MGAT4A: variants seen among roughly 807,000 people sequenced by gnomAD.
The protein encoded by MGAT4A is N-acetylglucosaminyltransferase IVa.
A neutral mutation model predicts 74.1 loss-of-function variants in MGAT4A; 33 were observed. That is an observed-to-expected ratio of 0.45 (90% CI 0.34 to 0.60). MGAT4A has a LOEUF of 0.60. Among genes scored for constraint, MGAT4A ranks in the 20% least tolerant of loss-of-function variants. The pLI, the probability that MGAT4A is intolerant of heterozygous loss-of-function variation, is 0.02. For synonymous variants in MGAT4A, 198 were observed against 210.4 expected (o/e 0.94, Z 0.51); for missense variants, 479 against 628.3 (o/e 0.76, Z 2.54).
intron 4 of MGAT4A, among the ~76,000 whole-genome samples, chr2:98,671,943 C>CAAA (rs59955000): frequency 0.011 from 325 of 28,616 alleles, 39 homozygotes; most frequent in Non-Finnish European, 0.016. Context: ...GTGGAAAAGG[C>CAAA]AAAAAAAAAA....
At chr2:98,643,805 C>T in intron 10 of MGAT4A, 118 bp downstream of exon 10, 2 of 1,028,050 alleles carry the variant, frequency 1.9e-6, no homozygotes, top group Non-Finnish European at 2.6e-6. Context: ...TTTATCAGCT[C>T]AGGAAAGAAG....
intron 2 of MGAT4A, among the ~76,000 whole-genome samples, chr2:98,700,195 C>T (rs948986616): frequency 1.3e-5 from 2 of 152,008 alleles, no homozygotes; most frequent in Non-Finnish European, 2.9e-5. Flanking sequence ...AAGACCTCTC[C>T]AAAGGACCAC....
chr2:98,636,464 AAGTCTACT>A, intron 13 of MGAT4A, 45 bp downstream of exon 13: 1 of 1,311,294 alleles, frequency 7.6e-7, no homozygotes, highest in Non-Finnish European at 1.1e-6. Context: ...GCTTCAAGCT[AAGTCTACT>A]AGTATTAGTT....
rs564578912 is a variant in MGAT4A, at chr2:98,663,522, C to T, written c.404-343G>A. The T allele has an allele frequency of 1.9e-5, 24 of 1,271,222 alleles. No individual in the cohort carries two copies. The South Asian group carries it at 2.9e-4, about 15-fold the overall frequency. The allele number at this position is 1,271,222 out of a possible 1,614,324, so 78.7% of individuals were successfully genotyped here. On this transcript the variant is annotated intron_variant, in intron 4 of 15. Transcript: ENST00000393487. The stretch of plus-strand genomic sequence containing the variant: ...TCTTAAAAACTAATGTCTTATCTCT[C>T]GACTTCAAGCATGTGACATGCCGAG...
chr2:98,644,679 G>A (rs1325871176), intron 9 of MGAT4A, among the ~76,000 whole-genome samples: 1 of 151,246 alleles, frequency 6.6e-6, no homozygotes, highest in Non-Finnish European at 1.5e-5. Flanking sequence ...CGTCCCCAAG[G>A]CTGGAATGCA....
intron 8 of MGAT4A, among the ~76,000 whole-genome samples, chr2:98,653,660 G>C (rs578237487): frequency 2.0e-5 from 3 of 152,094 alleles, no homozygotes; most frequent in Non-Finnish European, 4.4e-5. Flanking sequence ...TAATAACTAA[G>C]GGGATTAAAG....
chr2:98,622,385 T>TA lies in MGAT4A; in HGVS notation c.*3180dup, dbSNP rs1559151931. ...TAGTGTGTGTGATGGCAGAACCGGG[T>TA]AAAAAAATGTTTTTATTTAAACAGC... On this transcript the variant is annotated 3_prime_UTR_variant, in exon 16 of 16. Transcript: ENST00000393487. 2.0e-6 allele frequency: 2 copies of TA among 985,374 alleles called. No homozygotes were observed. Among genetic ancestry groups the TA allele is most frequent in the Non-Finnish European group, 2.4e-6 (2 of 829,926 alleles). 61.0% of individuals were successfully genotyped at this position (985,374 alleles called of 1,614,324 possible).
intron 4 of MGAT4A, among the ~76,000 whole-genome samples, chr2:98,669,746 G>T (rs1701887490): frequency 6.6e-6 from 1 of 152,172 alleles, no homozygotes; most frequent in African/African-American, 2.4e-5. Flanking sequence ...CTGAGCCCAT[G>T]GTGGGGGCTG....
intron 4 of MGAT4A, 143 bp downstream of exon 4, chr2:98,674,892 T>C (rs922571675): frequency 1.4e-6 from 1 of 732,066 alleles, no homozygotes; most frequent in African/African-American, 1.9e-5. Flanking sequence ...CCTTTCAACA[T>C]GGAGTTTAGA....
Position 98,644,047 on chromosome 2 carries a change from A to G in MGAT4A, c.896T>C (p.Met299Thr), listed in dbSNP as rs1264123178. ...CAGAGTAAGATCCGGCGCTTGAAAC[A>G]TTTTACCTGAAAAGATATTCCCAGT... ...EFSQLGFIGK[M>T]FQAPDLTLIV... Residue 299 changes from methionine to threonine, a missense_variant, in exon 10 of 16, where the codon ATG becomes ACG. Met to Thr is a moderately conservative substitution (Grantham distance 81). Coordinates refer to ENST00000393487, the MANE Select transcript of MGAT4A (RefSeq NM_012214.3). 3 of 1,578,758 alleles carry G rather than the reference A, an allele frequency of 1.9e-6. No homozygotes were observed. The highest frequency in any genetic ancestry group is 2.6e-6 in the Non-Finnish European group (3 of 1,158,468).
chr2:98,679,197 G>T (rs960914606), intron 2 of MGAT4A, among the ~76,000 whole-genome samples: 4 of 152,020 alleles, frequency 2.6e-5, no homozygotes, highest in African/African-American at 9.7e-5. Context: ...ACGAGGTCAG[G>T]AGATCGAGAC....
intron 2 of MGAT4A, among the ~76,000 whole-genome samples, chr2:98,679,501 G>A (rs1358010186): frequency 6.6e-6 from 1 of 151,396 alleles, no homozygotes; most frequent in African/African-American, 2.4e-5. Flanking sequence ...GCATGGTGGT[G>A]TATGCCTGTA....
At chr2:98,681,239 C>T (rs1234781422) in intron 2 of MGAT4A, among the ~76,000 whole-genome samples, 1 of 152,164 alleles carries the variant, frequency 6.6e-6, no homozygotes, top group African/African-American at 2.4e-5. Context: ...CCTCAGCCTC[C>T]CAAAGTGCTG....
At chr2:98,639,723 G>T (rs1194931193) in intron 12 of MGAT4A, 85 bp downstream of exon 12, 13 of 1,240,004 alleles carry the variant, frequency 1.0e-5, no homozygotes, top group Non-Finnish European at 1.4e-5. Flanking sequence ...CATCTGTCAG[G>T]CACACACACA....
At position 98,636,136 on chromosome 2, in the gene MGAT4A, G is replaced by A. The variant is rs190898511; in HGVS notation, c.1401+381C>T. Among the ~76,000 whole-genome samples, 13 of 151,886 alleles carry A rather than the reference G, an allele frequency of 8.6e-5. 1 individual carries two copies. The highest frequency in any genetic ancestry group is 3.1e-4 in the African/African-American group (13 of 41,434). On this transcript the variant is annotated intron_variant, in intron 13 of 15. Coordinates refer to ENST00000393487, the MANE Select transcript of MGAT4A (RefSeq NM_012214.3). ...GCCTCCCGAGTAGCTGGGATTACAG[G>A]CGCATGCCACGATTCCTGGCTAATT... is the stretch of plus-strand genomic sequence containing the variant.
chr2:98,710,378 A>G (rs1702498858), intron 2 of MGAT4A, among the ~76,000 whole-genome samples: 1 of 152,252 alleles, frequency 6.6e-6, no homozygotes, highest in Non-Finnish European at 1.5e-5. Flanking sequence ...TATACATTTG[A>G]AAACAAAAAA....
At chr2:98,679,405 C>CAAAAAA (rs753919040) in intron 2 of MGAT4A, among the ~76,000 whole-genome samples, 2 of 33,340 alleles carry the variant, frequency 6.0e-5, no homozygotes, top group African/African-American at 1.1e-4. Flanking sequence ...GACTCCGTCT[C>CAAAAAA]AAAAAAAAAA....
chr2:98,635,867 A>C (rs1375482241), intron 13 of MGAT4A, among the ~76,000 whole-genome samples: 2 of 151,486 alleles, frequency 1.3e-5, no homozygotes, highest in Non-Finnish European at 2.9e-5. Context: ...ACGCACCTAT[A>C]CTCCCAGCTA....
At chr2:98,626,063 T>C (rs1487014625) in intron 14 of MGAT4A, among the ~76,000 whole-genome samples, 1 of 152,226 alleles carries the variant, frequency 6.6e-6, no homozygotes, top group African/African-American at 2.4e-5. Context: ...GGCAGAGCTA[T>C]AATTTTTCTC....
Sources: gnomAD v4.1 joint callset for allele counts (sites outside exome capture counted in the v4.1 genomes callset) on GRCh38, gnomAD v4.1.1 for gene constraint, MANE v1.5 for transcripts, NCBI Gene and HGNC (gene_info 2026-07-23, HGNC 2026-07-21) for gene names.